Variants in LLPH observed in about 807,000 individuals in gnomAD.
LLPH encodes LLP homolog, long-term synaptic facilitation factor, also known as protein LLP homolog.
LLPH carries 5 observed loss-of-function variants against 13.3 expected under a neutral mutation model. The ratio of observed to expected loss-of-function variants is 0.38; its 90% confidence interval spans 0.20 to 0.79. The LOEUF is 0.79. Among genes scored for constraint, LLPH ranks in the 30% least tolerant of loss-of-function variants. LLPH has a pLI of 0.45. For missense variants in LLPH, 129 were observed against 152.1 expected, an observed-to-expected ratio of 0.85 and a Z score of 0.80; for synonymous variants, 32 against 44.2, an observed-to-expected ratio of 0.72 and a Z score of 1.09.
intron 2 of LLPH, among the ~76,000 whole-genome samples, chr12:66,125,971 G>A (rs1391272255): frequency 6.6e-6 from 1 of 152,108 alleles, no homozygotes. Context: ...TGCCCATTAA[G>A]AACACAGAGT....
Position 66,116,990 on chromosome 12 carries a change from G to T in LLPH, c.*6850C>A, listed in dbSNP as rs955978600. ...TTTCATATTTTATTTCCACCAAAAA[G>T]ATACTTAAGTCTACAGTTATGTAGT... is the stretch of plus-strand genomic sequence containing the variant. On this transcript the variant is annotated 3_prime_UTR_variant, in exon 3 of 3. Coordinates refer to ENST00000266604, the MANE Select transcript of LLPH (RefSeq NM_032338.4). 2 of 152,060 alleles carry T rather than the reference G, an allele frequency of 1.3e-5. No homozygotes were observed. The allele number at this position is 152,060 out of a possible 1,614,324, so 9.4% of individuals were successfully genotyped here. A position where few individuals can be genotyped will look rare whatever the true frequency, so the allele number is the denominator to read the frequency against.
rs2051456389 is a variant in LLPH, at chr12:66,120,498, A to G, written c.*3342T>C. 1 of 152,248 alleles carries G rather than the reference A, an allele frequency of 6.6e-6. No individual in the cohort carries two copies. Among genetic ancestry groups the G allele is most frequent in the South Asian group, 2.1e-4 (1 of 4,836 alleles). 9.4% of individuals were successfully genotyped at this position (152,248 alleles called of 1,614,324 possible). A position where few individuals can be genotyped will look rare whatever the true frequency, so the allele number is the denominator to read the frequency against. On this transcript the variant is annotated 3_prime_UTR_variant, in exon 3 of 3. Transcript: ENST00000266604. ...CTCAGATAACATTAGTACCAAACTC[A>G]TGAGATTGCTGGGCAGATTAAATGA... is the stretch of plus-strand genomic sequence containing the variant.
At chr12:66,124,323 C>T (rs558123481) in intron 2 of LLPH, among the ~76,000 whole-genome samples, 14 of 152,332 alleles carry the variant, frequency 9.2e-5, no homozygotes, top group African/African-American at 3.4e-4. Context: ...AGCATACCTA[C>T]ACTTCTAAGG....
At position 66,117,822 on chromosome 12, in the gene LLPH, A is replaced by C. The variant is rs1410515400; in HGVS notation, c.*6018T>G. 6.6e-6 allele frequency: 1 copy of C among 152,252 alleles called. No homozygotes were observed. The highest frequency in any genetic ancestry group is 1.5e-5 in the Non-Finnish European group (1 of 68,052). 9.4% of individuals were successfully genotyped at this position (152,252 alleles called of 1,614,324 possible). ...GTCTTAGTTTTTAACAAAAAAACTT[A>C]AGAAGTAAAAAAAGAAATTAAAAAA... On this transcript the variant is annotated 3_prime_UTR_variant, in exon 3 of 3. Transcript: ENST00000266604.
At chr12:66,124,443 G>A (rs375871170) in intron 2 of LLPH, among the ~76,000 whole-genome samples, 1 of 152,140 alleles carries the variant, frequency 6.6e-6, no homozygotes, top group East Asian at 1.9e-4. Flanking sequence ...CGATGGAGTA[G>A]TCAGCAGCAG....
At position 66,124,057 on chromosome 12, in the gene LLPH, G is replaced by GA. The variant is rs759701098; in HGVS notation, c.212-40dup. The GA allele has an allele frequency of 1.3e-5, 18 of 1,388,448 alleles. No individual in the cohort carries two copies. The South Asian group carries it at 1.7e-4, about 13-fold the overall frequency. The allele number at this position is 1,388,448 out of a possible 1,614,324, so 86.0% of individuals were successfully genotyped here. ...TGGAAAAACTATTAACACCATGTAT[G>GA]AAAAAAACCACCCTGTGAAAGCATA... On this transcript the variant is annotated intron_variant, in intron 2 of 2. Coordinates refer to ENST00000266604, the MANE Select transcript of LLPH (RefSeq NM_032338.4).
chr12:66,127,452 C>T (rs997666391), intron 2 of LLPH, among the ~76,000 whole-genome samples: 4 of 152,116 alleles, frequency 2.6e-5, no homozygotes, highest in Non-Finnish European at 5.9e-5. Context: ...AAGAAATATT[C>T]AAAACAGGTA....
chr12:66,126,296 C>T (rs527726157), intron 2 of LLPH, among the ~76,000 whole-genome samples: 210 of 150,220 alleles, frequency 1.4e-3, no homozygotes, highest in African/African-American at 4.6e-3. Context: ...TGCACTCCAG[C>T]CTGGGCGACA....
chr12:66,125,808 C>T (rs1228638508), intron 2 of LLPH, among the ~76,000 whole-genome samples: 4 of 151,838 alleles, frequency 2.6e-5, no homozygotes, highest in Non-Finnish European at 5.9e-5. Flanking sequence ...GATCACCAGA[C>T]ATTTGAGAAA....
At position 66,121,956 on chromosome 12, in the gene LLPH, GTTGT is replaced by G. The variant is rs938422353; in HGVS notation, c.*1880_*1883del. Reference sequence around the variant, plus strand: ...GCTGATATTGTCAGTGGCTTAACTGGTTGTTTGCAATTTTTTTTATTTTATGAAT... The same window carrying G: ...GCTGATATTGTCAGTGGCTTAACTGGTTGCAATTTTTTTTATTTTATGAAT... On this transcript the variant is annotated 3_prime_UTR_variant, in exon 3 of 3. Transcript: ENST00000266604. 1.4e-4 allele frequency: 21 copies of G among 150,980 alleles called. No individual in the cohort carries two copies. The highest frequency in any genetic ancestry group is 1.2e-3 in the Admixed American group (18 of 15,146). The allele number at this position is 150,980 out of a possible 1,614,324, so 9.4% of individuals were successfully genotyped here.
At position 66,130,242 on chromosome 12, in the gene LLPH, T is replaced by C. The variant is rs371088643; in HGVS notation, c.-8+463A>G. ...TATTAAGTGTTACAACCTGAAACCA[T>C]TGTTTTCTGTCACGCCCCCCGACCC... On this transcript the variant is annotated intron_variant, in intron 1 of 2. Coordinates refer to ENST00000266604, the MANE Select transcript of LLPH (RefSeq NM_032338.4). Among the ~76,000 whole-genome samples, 10 of 152,118 alleles carry C rather than the reference T, an allele frequency of 6.6e-5. No homozygotes were observed. The East Asian group carries it at 9.7e-4, about 15-fold the overall frequency.
At chr12:66,127,420 C>T (rs1201621378) in intron 2 of LLPH, among the ~76,000 whole-genome samples, 1 of 152,170 alleles carries the variant, frequency 6.6e-6, no homozygotes, top group African/African-American at 2.4e-5. Flanking sequence ...ACAAAGGTCT[C>T]ATTATATATG....
rs1272073280 is a variant in LLPH at position 66,119,662 on chromosome 12, A to G, written c.*4178T>C. 6.6e-6 allele frequency: 1 copy of G among 152,258 alleles called. No individual in the cohort carries two copies. Among genetic ancestry groups the G allele is most frequent in the Non-Finnish European group, 1.5e-5 (1 of 68,046 alleles). The allele number at this position is 152,258 out of a possible 1,614,324, so 9.4% of individuals were successfully genotyped here. ...AGAAGTTAGTCACTTAACTAGTAAG[A>G]TTAGCCAACAGCTTAGCATCTGCAT... is the stretch of plus-strand genomic sequence containing the variant. On this transcript the variant is annotated 3_prime_UTR_variant, in exon 3 of 3. Coordinates refer to ENST00000266604, the MANE Select transcript of LLPH (RefSeq NM_032338.4).
rs867748900 is a variant in LLPH, at chr12:66,118,380, A to T, written c.*5460T>A. On this transcript the variant is annotated 3_prime_UTR_variant, in exon 3 of 3. Coordinates refer to ENST00000266604, the MANE Select transcript of LLPH (RefSeq NM_032338.4). ...CTCCGTCTCAAAAAAAAAAAAAAAA[A>T]ATATACAGCAGTATACAGTCATGTC... The T allele has an allele frequency of 1.1e-3, 175 of 152,384 alleles. 1 individual carries two copies. The highest frequency in any genetic ancestry group is 5.6e-3 in the East Asian group (29 of 5,174). The allele number at this position is 152,384 out of a possible 1,614,324, so 9.4% of individuals were successfully genotyped here. A position where few individuals can be genotyped will look rare whatever the true frequency, so the allele number is the denominator to read the frequency against.
intron 2 of LLPH, among the ~76,000 whole-genome samples, chr12:66,126,402 A>C (rs551210785): frequency 2.0e-5 from 3 of 151,974 alleles, no homozygotes; most frequent in Non-Finnish European, 4.4e-5. Context: ...AAGAACCAGA[A>C]TTCAAGGTCA....
intron 2 of LLPH, among the ~76,000 whole-genome samples, chr12:66,125,699 T>C (rs903195316): frequency 6.6e-6 from 1 of 152,158 alleles, no homozygotes; most frequent in Non-Finnish European, 1.5e-5. Context: ...AAATCTTCTA[T>C]ACATCTAGCA....
rs2051446803 is a variant in LLPH at position 66,118,998 on chromosome 12, C to T, written c.*4842G>A. 1 of 152,142 alleles carries T rather than the reference C, an allele frequency of 6.6e-6. No homozygotes were observed. Among genetic ancestry groups the T allele is most frequent in the African/African-American group, 2.4e-5 (1 of 41,428 alleles). The allele number at this position is 152,142 out of a possible 1,614,324, so 9.4% of individuals were successfully genotyped here. On this transcript the variant is annotated 3_prime_UTR_variant, in exon 3 of 3. Transcript: ENST00000266604. ...AAGGATCCCAAGGTGCCCATTTCAG[C>T]TCCCAAAATCTTGGTTAGAAGGCGC... is the stretch of plus-strand genomic sequence containing the variant.
At position 66,120,770 on chromosome 12, in the gene LLPH, T is replaced by C. The variant is rs545684943; in HGVS notation, c.*3070A>G. 6.6e-6 allele frequency: 1 copy of C among 152,374 alleles called. No individual in the cohort carries two copies. Among genetic ancestry groups the C allele is most frequent in the East Asian group, 1.9e-4 (1 of 5,192 alleles). 9.4% of individuals were successfully genotyped at this position (152,374 alleles called of 1,614,324 possible). A position where few individuals can be genotyped will look rare whatever the true frequency, so the allele number is the denominator to read the frequency against. The stretch of plus-strand genomic sequence containing the variant: ...CTAATTATTTAAAAGATAAAAGGAC[T>C]ATGCTATACTTCTCGATTTGTAATC... On this transcript the variant is annotated 3_prime_UTR_variant, in exon 3 of 3. Coordinates refer to ENST00000266604, the MANE Select transcript of LLPH (RefSeq NM_032338.4).
chr12:66,117,297 A>C lies in LLPH; in HGVS notation c.*6543T>G, dbSNP rs1196969896. On this transcript the variant is annotated 3_prime_UTR_variant, in exon 3 of 3. Transcript: ENST00000266604. ...TAACAACTATTTACATAGCATTTTC[A>C]TTGTATTATAAGTAATCTAGAGATG... 1 of 152,312 alleles carries C rather than the reference A, an allele frequency of 6.6e-6. No homozygotes were observed. The highest frequency in any genetic ancestry group is 1.9e-4 in the East Asian group (1 of 5,180). The allele number at this position is 152,312 out of a possible 1,614,324, so 9.4% of individuals were successfully genotyped here.
Sources: allele counts gnomAD v4.1 joint callset (sites outside exome capture counted in the v4.1 genomes callset), GRCh38; gene constraint gnomAD v4.1.1; transcripts MANE v1.5; gene names NCBI Gene and HGNC (gene_info 2026-07-23, HGNC 2026-07-21).